The following ULK4 variants were observed in gnomAD, a reference collection of about 807,000 sequenced individuals.
ULK4 encodes the protein unc-51 like kinase 4.
ULK4 carries 133 observed loss-of-function variants against 160.6 expected under a neutral mutation model. The observed-to-expected ratio is 0.83, with a 90% CI of 0.72 to 0.96. The LOEUF (loss-of-function observed/expected upper bound fraction) is 0.96. ULK4 is among the 40% of genes least tolerant of loss of function. The pLI, the probability that ULK4 is intolerant of heterozygous loss-of-function variation, is 0.00. For synonymous variants in ULK4, 534 were observed against 539.8 expected, an observed-to-expected ratio of 0.99 and a Z score of 0.15; for missense variants, 1,580 against 1,499.5, an observed-to-expected ratio of 1.05 and a Z score of -0.89.
At chr3:41,380,697 C>T (rs978912835) in intron 35 of ULK4, among the ~76,000 whole-genome samples, 1 of 152,070 alleles carries the variant, frequency 6.6e-6, no homozygotes, top group Non-Finnish European at 1.5e-5. Context: ...AAAGCCCAGG[C>T]CCCCCAGGTC....
At chr3:41,251,830 T>TA in intron 35 of ULK4, among the ~76,000 whole-genome samples, 1 of 152,082 alleles carries the variant, frequency 6.6e-6, no homozygotes, top group Non-Finnish European at 1.5e-5. Flanking sequence ...TTAGGCCAGA[T>TA]AAAAAATGGG....
At chr3:41,506,767 A>AAAAAAAAAAAAAAATATATATATAT in intron 32 of ULK4, among the ~76,000 whole-genome samples, 10 of 56,794 alleles carry the variant, frequency 1.8e-4, no homozygotes, top group African/African-American at 8.2e-4. Flanking sequence ...TGTGATTTAA[A>AAAAAAAAAAAAAAATATATATATAT]ATATATATAT....
At chr3:41,759,408 G>T (rs1002384228) in intron 21 of ULK4, among the ~76,000 whole-genome samples, 3 of 152,040 alleles carry the variant, frequency 2.0e-5, no homozygotes, top group African/African-American at 7.2e-5. Flanking sequence ...CAACAACAAA[G>T]AAGTATTGCT....
chr3:41,571,710 C>T (rs188266715), intron 31 of ULK4, among the ~76,000 whole-genome samples: 41 of 152,304 alleles, frequency 2.7e-4, no homozygotes, highest in Non-Finnish European at 5.3e-4. Context: ...TTAGATGCTC[C>T]TCTGGGAGAG....
At chr3:41,899,380 G>A (rs147499920) in intron 13 of ULK4, 4 of 152,254 alleles carry the variant, frequency 2.6e-5, no homozygotes, top group African/African-American at 9.6e-5. Flanking sequence ...TTTTCTCTAA[G>A]ACTAAAAGTA....
intron 32 of ULK4, among the ~76,000 whole-genome samples, chr3:41,519,247 C>A (rs910275452): frequency 1.6e-4 from 25 of 152,164 alleles, no homozygotes; most frequent in Admixed American, 1.6e-3. Context: ...CCTTTTGGAG[C>A]TTGTCACAGC....
intron 27 of ULK4, among the ~76,000 whole-genome samples, chr3:41,696,372 CCT>C (rs1190879919): frequency 1.3e-5 from 2 of 151,330 alleles, no homozygotes. Context: ...TCTCTCTCTC[CCT>C]CTCTCTCTCT....
chr3:41,469,733 A>G (rs1312161850), intron 32 of ULK4, among the ~76,000 whole-genome samples: 1 of 151,358 alleles, frequency 6.6e-6, no homozygotes, highest in African/African-American at 2.4e-5. Context: ...TCCAAAAGAA[A>G]CTAAGAAAGC....
At position 41,737,445 on chromosome 3, in the gene ULK4, T is replaced by G. The variant is rs905509199; in HGVS notation, c.2321+16916A>C. Among the ~76,000 whole-genome samples the G allele has an allele frequency of 4.0e-5, 6 of 151,744 alleles. 1 individual carries two copies. The highest frequency in any genetic ancestry group is 1.2e-4 in the African/African-American group (5 of 41,102). ...ATGAAAATGGCCATACTGCCCAAGGTAATTTATAGATTCAATGCCATCCCC... is the reference window on the plus strand; with the variant it reads ...ATGAAAATGGCCATACTGCCCAAGGGAATTTATAGATTCAATGCCATCCCC... On this transcript the variant is annotated intron_variant, in intron 22 of 36. Transcript: ENST00000301831.
chr3:41,816,598 A>G (rs1050332696), intron 19 of ULK4, among the ~76,000 whole-genome samples: 2 of 152,028 alleles, frequency 1.3e-5, no homozygotes, highest in South Asian at 2.1e-4. Flanking sequence ...GTGGATTCCT[A>G]GAGCCTATGA....
chr3:41,810,391 T>C (rs1432851578), intron 19 of ULK4, among the ~76,000 whole-genome samples: 3 of 152,256 alleles, frequency 2.0e-5, no homozygotes, highest in African/African-American at 7.2e-5. Flanking sequence ...TCTAGGGTTC[T>C]TTATGAGATG....
intron 21 of ULK4, among the ~76,000 whole-genome samples, chr3:41,785,401 C>T (rs1490226153): frequency 6.6e-6 from 1 of 152,130 alleles, no homozygotes; most frequent in African/African-American, 2.4e-5. Context: ...GATAAACCAA[C>T]ATGTTAACAA....
chr3:41,805,631 A>G (rs1400296094), intron 19 of ULK4, among the ~76,000 whole-genome samples: 17 of 147,514 alleles, frequency 1.2e-4, no homozygotes, highest in East Asian at 2.0e-4. Context: ...TGTCATAGAT[A>G]GCTCTTATTA....
intron 35 of ULK4, among the ~76,000 whole-genome samples, chr3:41,371,333 C>G (rs1391213839): frequency 6.6e-6 from 1 of 152,208 alleles, no homozygotes; most frequent in African/African-American, 2.4e-5. Flanking sequence ...GTCCCTGACC[C>G]CCGTGCCTCC....
chr3:41,915,219 A>G (rs189294766), intron 8 of ULK4, among the ~76,000 whole-genome samples: 87 of 152,334 alleles, frequency 5.7e-4, no homozygotes, highest in Admixed American at 3.3e-3. Context: ...GCATTCTAAT[A>G]TAAGTAAAGG....
chr3:41,769,565 CACA>C (rs1277716721), intron 21 of ULK4, among the ~76,000 whole-genome samples: 4 of 152,150 alleles, frequency 2.6e-5, no homozygotes, highest in Non-Finnish European at 5.9e-5. Context: ...CAAATCACAG[CACA>C]ACAAGGTTAT....
chr3:41,895,381 T>C (rs1698117753), intron 16 of ULK4, 137 bp downstream of exon 16: 1 of 391,972 alleles, frequency 2.6e-6, no homozygotes, highest in Non-Finnish European at 4.6e-6. Context: ...CCCATAAAAA[T>C]TGCCTATGAG....
chr3:41,800,392 A>G, intron 19 of ULK4, 99 bp from the exon 20 acceptor site: 1 of 1,233,592 alleles, frequency 8.1e-7, no homozygotes, highest in Non-Finnish European at 1.1e-6. Flanking sequence ...CAAGACAGTA[A>G]CATGCCTCTG....
chr3:41,287,110 C>T (rs1414688906), intron 35 of ULK4, among the ~76,000 whole-genome samples: 1 of 152,082 alleles, frequency 6.6e-6, no homozygotes, highest in African/African-American at 2.4e-5. Context: ...TGGCAATAGC[C>T]CTAGGAGCTT....
Sources: allele counts gnomAD v4.1 joint callset (sites outside exome capture counted in the v4.1 genomes callset), GRCh38; gene constraint gnomAD v4.1.1; transcripts MANE v1.5; gene names NCBI Gene and HGNC (gene_info 2026-07-23, HGNC 2026-07-21).